The following SUMF1 variants were observed in gnomAD, a reference collection of about 807,000 sequenced individuals.
SUMF1 encodes the protein formylglycine-generating enzyme.
In SUMF1, 48 loss-of-function variants were observed where a neutral mutation model predicts 47.6. The observed-to-expected ratio is 1.01, with a 90% CI of 0.80 to 1.28. SUMF1 has a LOEUF of 1.28. SUMF1 is among the 50% of genes most tolerant of loss of function. The pLI is 0.00. For missense variants in SUMF1, 571 were observed against 485.4 expected (o/e 1.18, Z -1.66); for synonymous variants, 230 against 192.1 (o/e 1.20, Z -1.63).
intron 8 of SUMF1, among the ~76,000 whole-genome samples, chr3:4,329,926 TTCTTAGAAATTA>T (rs1699017512): frequency 6.6e-6 from 1 of 152,208 alleles, no homozygotes; most frequent in Admixed American, 6.6e-5. Flanking sequence ...CACTTTGTAT[TTCTTAGAAATTA>T]CTTCTACTAG....
intron 9 of SUMF1, among the ~76,000 whole-genome samples, chr3:4,057,067 A>G (rs144055006): frequency 6.6e-6 from 1 of 152,266 alleles, no homozygotes; most frequent in Non-Finnish European, 1.5e-5. Flanking sequence ...TTTTTACAAC[A>G]AGCATGAATA....
intron 8 of SUMF1, among the ~76,000 whole-genome samples, chr3:4,176,891 C>T (rs552741866): frequency 2.5e-4 from 38 of 152,108 alleles, no homozygotes; most frequent in Non-Finnish European, 5.3e-4. Flanking sequence ...TTGCAATCCT[C>T]ATCTCTGATA....
intron 8 of SUMF1, among the ~76,000 whole-genome samples, chr3:4,347,008 C>G (rs763028630): frequency 2.0e-5 from 3 of 152,040 alleles, no homozygotes; most frequent in African/African-American, 7.3e-5. Flanking sequence ...CTGAATAGAC[C>G]GATAACAAGC....
intron 8 of SUMF1, among the ~76,000 whole-genome samples, chr3:4,365,778 T>C (rs1699931844): frequency 6.6e-6 from 1 of 150,932 alleles, no homozygotes; most frequent in Admixed American, 6.6e-5. Flanking sequence ...GCTGGTGATT[T>C]TGCTCGTTAG....
At chr3:4,214,785 A>AG (rs917736924) in intron 8 of SUMF1, among the ~76,000 whole-genome samples, 4 of 24,192 alleles carry the variant, frequency 1.7e-4, no homozygotes, top group African/African-American at 6.5e-4. Flanking sequence ...AAAATAAGCT[A>AG]AAAAACCTAG....
intron 8 of SUMF1, among the ~76,000 whole-genome samples, chr3:4,179,763 A>G (rs111953049): frequency 0.34 from 51,272 of 152,008 alleles, 8,778 homozygotes; most frequent in East Asian, 0.4. Flanking sequence ...GGCAACCTAC[A>G]GAATGGGAGA....
intron 8 of SUMF1, chr3:4,303,529 A>G (rs1698039163): frequency 2.1e-6 from 3 of 1,413,270 alleles, no homozygotes; most frequent in South Asian, 1.6e-5. Context: ...CCTTCCAGGT[A>G]GGGGCGGGGC....
intron 7 of SUMF1, among the ~76,000 whole-genome samples, chr3:4,399,587 G>A (rs1021433962): frequency 1.4e-4 from 21 of 152,274 alleles, no homozygotes; most frequent in African/African-American, 3.6e-4. Context: ...GAGACAGTGC[G>A]GGAACATTTA....
chr3:4,406,559 C>T (rs1701383083), intron 7 of SUMF1, among the ~76,000 whole-genome samples: 1 of 152,160 alleles, frequency 6.6e-6, no homozygotes, highest in Admixed American at 6.5e-5. Flanking sequence ...ATTCGGGAGG[C>T]TGAGGCTGAA....
At chr3:4,429,882 C>A (rs566720546) in intron 3 of SUMF1, among the ~76,000 whole-genome samples, 1 of 152,270 alleles carries the variant, frequency 6.6e-6, no homozygotes, top group South Asian at 2.1e-4. Context: ...AACACTGCAC[C>A]AGTGGCAAGG....
intron 8 of SUMF1, among the ~76,000 whole-genome samples, chr3:4,290,965 C>G (rs529935794): frequency 6.6e-6 from 1 of 152,216 alleles, no homozygotes; most frequent in Admixed American, 6.5e-5. Context: ...ACTTTGTTGA[C>G]CAACTTTAAC....
At chr3:4,422,903 T>A (rs1013328463) in intron 3 of SUMF1, among the ~76,000 whole-genome samples, 1 of 152,136 alleles carries the variant, frequency 6.6e-6, no homozygotes, top group African/African-American at 2.4e-5. Context: ...ACCCATCTCC[T>A]AAGCAGTATA....
chr3:4,417,926 A>G, intron 5 of SUMF1, 84 bp downstream of exon 5: 1 of 1,604,614 alleles, frequency 6.2e-7, no homozygotes, highest in Non-Finnish European at 8.5e-7. Flanking sequence ...TTCTAACCAA[A>G]GTAAGTTCCA....
At chr3:4,242,682 T>G (rs1235089398) in intron 8 of SUMF1, among the ~76,000 whole-genome samples, 1 of 152,180 alleles carries the variant, frequency 6.6e-6, no homozygotes, top group African/African-American at 2.4e-5. Context: ...TGCCAGTATT[T>G]TATTGAGGAC....
chr3:4,321,822 G>T (rs933834861), intron 8 of SUMF1, among the ~76,000 whole-genome samples: 1 of 152,000 alleles, frequency 6.6e-6, no homozygotes, highest in Non-Finnish European at 1.5e-5. Flanking sequence ...AGTGTAGAAT[G>T]GAAAGTTGAG....
At chr3:4,132,031 C>T (rs1693803651) in intron 8 of SUMF1, among the ~76,000 whole-genome samples, 1 of 152,128 alleles carries the variant, frequency 6.6e-6, no homozygotes, top group South Asian at 2.1e-4. Context: ...TGATATGGCA[C>T]CATTCCTCAG....
intron 3 of SUMF1, among the ~76,000 whole-genome samples, chr3:4,421,392 C>A (rs1169007683): frequency 1.3e-5 from 2 of 152,190 alleles, no homozygotes; most frequent in African/African-American, 4.8e-5. Flanking sequence ...GTAAAGGGAA[C>A]CAGTCTCACT....
At chr3:4,144,054 G>A (rs1004887571) in intron 8 of SUMF1, among the ~76,000 whole-genome samples, 1 of 145,424 alleles carries the variant, frequency 6.9e-6, no homozygotes, top group East Asian at 2.0e-4. Context: ...GTAGTGGCCC[G>A]ATCTCGGCTC....
chr3:4,292,286 A>C (rs578106655), intron 8 of SUMF1, among the ~76,000 whole-genome samples: 13 of 152,252 alleles, frequency 8.5e-5, no homozygotes, highest in Non-Finnish European at 1.8e-4. Flanking sequence ...GCTAAAACGA[A>C]TAGCATGTCT....
Sources: allele counts gnomAD v4.1 joint callset (sites outside exome capture counted in the v4.1 genomes callset), GRCh38; gene constraint gnomAD v4.1.1; transcripts MANE v1.5; gene names NCBI Gene and HGNC (gene_info 2026-07-23, HGNC 2026-07-21).